The following EPC2 variants were observed in gnomAD, a reference collection of about 807,000 sequenced individuals.
EPC2 encodes the protein enhancer of polycomb homolog 2.
EPC2 carries 14 observed loss-of-function variants against 92.1 expected under a neutral mutation model. That is an observed-to-expected ratio of 0.15 (90% CI 0.10 to 0.24). The LOEUF (loss-of-function observed/expected upper bound fraction) is 0.24, where lower values mean the gene tolerates loss of function less well. Among genes scored for constraint, EPC2 ranks in the 10% least tolerant of loss-of-function variants. The pLI is 1.00. For missense variants in EPC2, 755 were observed against 971.5 expected, an observed-to-expected ratio of 0.78 and a Z score of 2.96; for synonymous variants, 340 against 334.7, an observed-to-expected ratio of 1.02 and a Z score of -0.17.
At chr2:148,775,474 C>T (rs976096688) in intron 10 of EPC2, among the ~76,000 whole-genome samples, 1 of 151,932 alleles carries the variant, frequency 6.6e-6, no homozygotes, top group African/African-American at 2.4e-5. Context: ...GATTAATTTA[C>T]ATTTAGTTTT....
intron 4 of EPC2, among the ~76,000 whole-genome samples, chr2:148,758,335 A>AG (rs1683232332): frequency 2.0e-5 from 3 of 152,200 alleles, no homozygotes; most frequent in Admixed American, 6.5e-5. Context: ...ATTAAACTTA[A>AG]GGGGGGAAGT....
chr2:148,657,884 T>TTGTGTGTG lies in EPC2; in HGVS notation c.153+12730_153+12737dup, dbSNP rs35739873. ...AATGTTTTTTTGACTATCACTCATT[T>TTGTGTGTG]TGTGTGTGTGTGTGTGTGTGTGTAA... On this transcript the variant is annotated intron_variant, in intron 1 of 13. Coordinates refer to ENST00000258484, the MANE Select transcript of EPC2 (RefSeq NM_015630.4). Among the ~76,000 whole-genome samples, 10 of 149,734 alleles carry TTGTGTGTG rather than the reference T, an allele frequency of 6.7e-5. No individual in the cohort carries two copies. In the East Asian group the frequency reaches 7.9e-4, roughly 12 times the overall value.
chr2:148,780,064 AT>A (rs1683718971), intron 10 of EPC2, among the ~76,000 whole-genome samples: 2 of 152,320 alleles, frequency 1.3e-5, no homozygotes, highest in South Asian at 2.1e-4. Flanking sequence ...TTTAAAAAAA[AT>A]TTTTCATTTA....
At chr2:148,781,874 T>C in intron 11 of EPC2, 94 bp downstream of exon 11, 6 of 1,455,176 alleles carry the variant, frequency 4.1e-6, no homozygotes, top group Non-Finnish European at 5.6e-6. Context: ...TAATCTTGGT[T>C]TTGCCACTCT....
intron 10 of EPC2, among the ~76,000 whole-genome samples, chr2:148,772,619 G>A (rs1177342547): frequency 2.0e-5 from 3 of 152,124 alleles, no homozygotes; most frequent in African/African-American, 7.2e-5. Flanking sequence ...TTAGAAATTG[G>A]CATATCATTT....
At chr2:148,724,004 G>GA (rs923090584) in intron 2 of EPC2, among the ~76,000 whole-genome samples, 3 of 151,980 alleles carry the variant, frequency 2.0e-5, no homozygotes, top group African/African-American at 7.2e-5. Context: ...TTTAATTTCA[G>GA]AAAACCCATT....
chr2:148,723,624 G>T (rs1682426777), intron 2 of EPC2, among the ~76,000 whole-genome samples: 2 of 152,158 alleles, frequency 1.3e-5, no homozygotes, highest in African/African-American at 2.4e-5. Context: ...TTTATATGTT[G>T]TTAAGATGGG....
intron 1 of EPC2, among the ~76,000 whole-genome samples, chr2:148,680,115 G>A (rs1379675651): frequency 6.8e-6 from 1 of 147,722 alleles, no homozygotes; most frequent in East Asian, 2.0e-4. Flanking sequence ...AAATGTTTCT[G>A]GACCTTTGTT....
At chr2:148,701,185 A>G (rs574681406) in intron 2 of EPC2, among the ~76,000 whole-genome samples, 2 of 152,332 alleles carry the variant, frequency 1.3e-5, no homozygotes, top group South Asian at 4.1e-4. Flanking sequence ...GGAATTTTCT[A>G]CATAGACAGT....
intron 3 of EPC2, among the ~76,000 whole-genome samples, chr2:148,748,391 T>C (rs1683027082): frequency 1.3e-5 from 2 of 152,218 alleles, no homozygotes; most frequent in South Asian, 4.1e-4. Flanking sequence ...ATACTCTCTT[T>C]CTTAATTAAT....
chr2:148,777,431 C>T (rs1683668030), intron 10 of EPC2, among the ~76,000 whole-genome samples: 2 of 152,090 alleles, frequency 1.3e-5, no homozygotes, highest in Admixed American at 6.5e-5. Context: ...GGCACAAGCA[C>T]AAAAATCCTG....
intron 2 of EPC2, chr2:148,691,492 G>A: frequency 6.5e-7 from 1 of 1,547,300 alleles, no homozygotes; most frequent in Non-Finnish European, 8.7e-7. Context: ...CTGACTATAA[G>A]ATTGACTGCT....
intron 1 of EPC2, among the ~76,000 whole-genome samples, chr2:148,662,002 C>T (rs1159771324): frequency 6.6e-6 from 1 of 152,030 alleles, no homozygotes; most frequent in Non-Finnish European, 1.5e-5. Flanking sequence ...AAAAAGTGGG[C>T]AAAGGATATG....
At chr2:148,741,051 G>C (rs1479553294) in intron 2 of EPC2, among the ~76,000 whole-genome samples, 1 of 151,892 alleles carries the variant, frequency 6.6e-6, no homozygotes, top group Admixed American at 6.6e-5. Flanking sequence ...ATAAAGACAA[G>C]GTTTTACATA....
intron 7 of EPC2, among the ~76,000 whole-genome samples, chr2:148,766,760 A>G (rs1035338423): frequency 6.6e-5 from 10 of 152,246 alleles, no homozygotes. Context: ...TACATCATAC[A>G]TACTGGGAAA....
At position 148,756,317 on chromosome 2, in the gene EPC2, A is replaced by T. The variant is rs115051866; in HGVS notation, c.666+2184A>T. ...GTGGGACCAAAGACGATTCCCTATC[A>T]TGCTCACCATTGCTAGTTAGAAATG... On this transcript the variant is annotated intron_variant, in intron 4 of 13. Coordinates refer to ENST00000258484, the MANE Select transcript of EPC2 (RefSeq NM_015630.4). Among the ~76,000 whole-genome samples, 198 of 152,286 alleles carry T rather than the reference A, an allele frequency of 1.3e-3. 1 individual carries two copies. The highest frequency in any genetic ancestry group is 4.4e-3 in the African/African-American group (183 of 41,572).
chr2:148,696,481 A>G (rs1024831453), intron 2 of EPC2, among the ~76,000 whole-genome samples: 7 of 152,214 alleles, frequency 4.6e-5, no homozygotes, highest in Admixed American at 4.6e-4. Context: ...GCAATAAATT[A>G]AAGACCATGG....
intron 1 of EPC2, among the ~76,000 whole-genome samples, chr2:148,673,568 T>C (rs1681197587): frequency 6.6e-6 from 1 of 152,194 alleles, no homozygotes; most frequent in African/African-American, 2.4e-5. Context: ...TTTCATTTTA[T>C]ACATTAATCA....
In EPC2 at chr2:148,753,749, A is replaced by G. The variant is rs74804198; in HGVS notation, c.460-178A>G. The G allele has an allele frequency of 5.2e-3, 2,928 of 567,822 alleles. 70 individuals carry two copies. The highest frequency in any genetic ancestry group is 0.05 in the African/African-American group (2,682 of 53,512). The allele number at this position is 567,822 out of a possible 1,614,324, so 35.2% of individuals were successfully genotyped here. A position where few individuals can be genotyped will look rare whatever the true frequency, so the allele number is the denominator to read the frequency against. On this transcript the variant is annotated intron_variant, in intron 3 of 13. Transcript: ENST00000258484. ...CTCAGGGAAAATTACTAATTTTTAG[A>G]TAAATCTCCTAATTAATGATTCCTT...
Sources: allele counts gnomAD v4.1 joint callset (sites outside exome capture counted in the v4.1 genomes callset), GRCh38; gene constraint gnomAD v4.1.1; transcripts MANE v1.5; gene names NCBI Gene and HGNC (gene_info 2026-07-23, HGNC 2026-07-21).